The following CHFR variants were observed in gnomAD, a reference collection of about 807,000 sequenced individuals.
CHFR encodes the protein E3 ubiquitin-protein ligase CHFR.
In CHFR, 57 loss-of-function variants were observed where a neutral mutation model predicts 87.6. That is an observed-to-expected ratio of 0.65 (90% CI 0.53 to 0.81). The LOEUF (loss-of-function observed/expected upper bound fraction) is 0.81. Among genes scored for constraint, CHFR ranks in the 30% least tolerant of loss-of-function variants. CHFR has a pLI of 0.00. For synonymous variants in CHFR, 381 were observed against 359.2 expected, an observed-to-expected ratio of 1.06 and a Z score of -0.69; for missense variants, 797 against 865.8, an observed-to-expected ratio of 0.92 and a Z score of 1.00.
At chr12:132,858,601 G>A (rs1035165255) in intron 8 of CHFR, among the ~76,000 whole-genome samples, 2 of 151,034 alleles carry the variant, frequency 1.3e-5, no homozygotes, top group Admixed American at 6.6e-5. Flanking sequence ...GGTGGCACAC[G>A]CCTGCAGTCC....
chr12:132,881,465 T>G (rs1417024774), intron 2 of CHFR, among the ~76,000 whole-genome samples: 1 of 152,172 alleles, frequency 6.6e-6, no homozygotes, highest in African/African-American at 2.4e-5. Flanking sequence ...AGAAGAGATA[T>G]GGATGGCAAA....
intron 6 of CHFR, among the ~76,000 whole-genome samples, chr12:132,864,988 G>C (rs990548651): frequency 2.6e-4 from 39 of 152,214 alleles, no homozygotes; most frequent in African/African-American, 9.2e-4. Flanking sequence ...TTTGATTTCT[G>C]AAGAGGGTCT....
chr12:132,861,795 C>T (rs1951215821), intron 6 of CHFR, 161 bp from the exon 7 acceptor site: 1 of 618,298 alleles, frequency 1.6e-6, no homozygotes, highest in Non-Finnish European at 2.8e-6. Flanking sequence ...TCACTCAACT[C>T]ACATCTTAAC....
Position 132,877,556 on chromosome 12 carries a change from T to G in CHFR, c.232A>C (p.Ser78Arg). Residue 78 changes from serine (S) to arginine (R), a missense_variant and splice_region_variant, in exon 3 of 18, where the codon AGC becomes CGC. By Grantham distance (110) the Ser-to-Arg change is moderately radical. Coordinates refer to ENST00000450056, the MANE Select transcript of CHFR (RefSeq NM_001161346.2). ...AAAAGAAGCTCAGAACATACTCACCTGGTATCTTCCAGTGTCACCTGACCT... is the reference window on the plus strand; with the variant it reads ...AAAAGAAGCTCAGAACATACTCACCGGGTATCTTCCAGTGTCACCTGACCT... Reference protein sequence around the residue: ...KSGQVTLEDTSTSGTVINKLK... With the variant: ...KSGQVTLEDTRTSGTVINKLK... 1 of 1,596,824 alleles carries G rather than the reference T, an allele frequency of 6.3e-7. No individual in the cohort carries two copies. The highest frequency in any genetic ancestry group is 8.6e-7 in the Non-Finnish European group (1 of 1,166,288).
chr12:132,859,597 G>A (rs1320614350), intron 7 of CHFR, among the ~76,000 whole-genome samples: 10 of 152,108 alleles, frequency 6.6e-5, no homozygotes, highest in Non-Finnish European at 1.3e-4. Flanking sequence ...TGATCCACCC[G>A]CCTCGGCCTC....
chr12:132,855,853 GT>G (rs35290169), intron 10 of CHFR, among the ~76,000 whole-genome samples: 31,106 of 150,958 alleles, frequency 0.21, 4,118 homozygotes, highest in Non-Finnish European at 0.3. Flanking sequence ...AGTTTCAAGT[GT>G]TTTTTTTTGT....
chr12:132,885,907 C>T (rs1207021297), intron 2 of CHFR, among the ~76,000 whole-genome samples: 1 of 152,160 alleles, frequency 6.6e-6, no homozygotes. Flanking sequence ...AATACTTCCT[C>T]TTGTCTTAAA....
chr12:132,852,774 A>C (rs1254713763), intron 11 of CHFR, among the ~76,000 whole-genome samples: 1 of 152,230 alleles, frequency 6.6e-6, no homozygotes, highest in Non-Finnish European at 1.5e-5. Flanking sequence ...AGAATGCAGC[A>C]CAAGGATGTG....
At position 132,867,176 on chromosome 12, in the gene CHFR, A is replaced by C. The variant is rs1478780976; in HGVS notation, c.583+2443T>G. The C allele has an allele frequency of 2.0e-5, 3 of 152,294 alleles. No homozygotes were observed. The East Asian group carries it at 5.8e-4, about 29-fold the overall frequency. The allele number at this position is 152,294 out of a possible 1,614,324, so 9.4% of individuals were successfully genotyped here. On this transcript the variant is annotated intron_variant, in intron 6 of 17. Coordinates refer to ENST00000450056, the MANE Select transcript of CHFR (RefSeq NM_001161346.2). ...GGTGTGGCTGCCCGTGTGAAGACAG[A>C]GCAACGGCATACAACGGAGTAAAAA...
chr12:132,844,088 C>T lies in CHFR; in HGVS notation c.1782G>A (p.Leu594=). Residue 594 remains leucine, a synonymous_variant, in exon 16 of 18, where the codon CTG becomes CTA. Transcript: ENST00000450056. The part of the protein sequence containing the change: ...GDTVLCYCCG[L]RSFRELTYQY... ...GATAGGTCAGCTCACGGAAGCTGCG[C>T]AGGCCACAGCAGTAACACAGAACGG... 1 of 1,613,884 alleles carries T rather than the reference C, an allele frequency of 6.2e-7. No individual in the cohort carries two copies. Among genetic ancestry groups the T allele is most frequent in the Non-Finnish European group, 8.5e-7 (1 of 1,179,826 alleles).
At chr12:132,858,305 A>C (rs1951129607) in intron 8 of CHFR, among the ~76,000 whole-genome samples, 1 of 152,122 alleles carries the variant, frequency 6.6e-6, no homozygotes, top group African/African-American at 2.4e-5. Context: ...GGTTGCAGTG[A>C]GCCAAGATCA....
In CHFR at chr12:132,859,137, C is replaced by T. The variant is rs1306779303; in HGVS notation, c.842G>A (p.Gly281Glu). The change falls in exon 8 of 18, where the codon GGG becomes GAG. Residue 281 changes from glycine to glutamate, a missense_variant. Gly to Glu is a moderately conservative substitution (Grantham distance 98). This residue lies in a region of CHFR where 597 missense variants were observed against 601.2 expected (regional missense o/e 0.99). Transcript: ENST00000450056. ...TVHEDVRAAA[G>E]KPDKMEETLT... is the part of the protein sequence containing the mutation. ...CGTCTCCTCCATCTTGTCTGGCTTC[C>T]CAGCCGCTGCTCTGACGTCCTCGTG... The T allele has an allele frequency of 1.2e-6, 2 of 1,614,024 alleles. No homozygotes were observed. The highest frequency in any genetic ancestry group is 8.5e-7 in the Non-Finnish European group (1 of 1,180,010).
At chr12:132,862,507 G>C in intron 6 of CHFR, 1 of 409,270 alleles carries the variant, frequency 2.4e-6, no homozygotes, top group Admixed American at 2.8e-5. Context: ...AGGAGGCTGA[G>C]GTGAGTGGAT....
At chr12:132,844,531 G>T (rs926233150) in intron 15 of CHFR, among the ~76,000 whole-genome samples, 1 of 148,660 alleles carries the variant, frequency 6.7e-6, no homozygotes, top group Non-Finnish European at 1.5e-5. Flanking sequence ...TGATCCACCC[G>T]CCTCGGCCTC....
At position 132,834,174 on chromosome 12, in the gene CHFR, C is replaced by G. The variant is rs11147100; in HGVS notation, c.*7380G>C. 0.14 allele frequency: 21,132 copies of G among 152,332 alleles called. 1,873 individuals carry two copies. Among genetic ancestry groups the G allele is most frequent in the South Asian group, 0.22 (1,059 of 4,832 alleles). 9.4% of individuals were successfully genotyped at this position (152,332 alleles called of 1,614,324 possible). ...GTACGTGGTGGGCCTGGGGTCCCCA[C>G]TGGAAACAGCTCTCTTTGACAACAT... is the stretch of plus-strand genomic sequence containing the variant. On this transcript the variant is annotated 3_prime_UTR_variant, in exon 18 of 18. Transcript: ENST00000450056.
At position 132,835,320 on chromosome 12, in the gene CHFR, G is replaced by A. The variant is rs1225614380; in HGVS notation, c.*6234C>T. On this transcript the variant is annotated 3_prime_UTR_variant, in exon 18 of 18. Coordinates refer to ENST00000450056, the MANE Select transcript of CHFR (RefSeq NM_001161346.2). ...GTGGCGTGCGAGCTTTGATGGCAGA[G>A]TGTTACAATATGTTCAAGCCCTAAA... 1 of 152,166 alleles carries A rather than the reference G, an allele frequency of 6.6e-6. No individual in the cohort carries two copies. The highest frequency in any genetic ancestry group is 1.5e-5 in the Non-Finnish European group (1 of 68,046). 9.4% of individuals were successfully genotyped at this position (152,166 alleles called of 1,614,324 possible). A position where few individuals can be genotyped will look rare whatever the true frequency, so the allele number is the denominator to read the frequency against.
intron 5 of CHFR, 112 bp downstream of exon 5, chr12:132,870,612 A>G (rs558316909): frequency 2.1e-4 from 137 of 663,760 alleles, no homozygotes; most frequent in Admixed American, 1.2e-3. Flanking sequence ...GTGAGCTGAG[A>G]TCGCGCCACC....
intron 6 of CHFR, among the ~76,000 whole-genome samples, chr12:132,863,917 C>G (rs2136992212): frequency 6.6e-6 from 1 of 152,182 alleles, no homozygotes; most frequent in African/African-American, 2.4e-5. Context: ...CACCACCATG[C>G]CCAGCTAAAT....
chr12:132,848,599 T>C (rs201463746), intron 13 of CHFR, 42 bp downstream of exon 13: 4 of 1,472,122 alleles, frequency 2.7e-6, no homozygotes, highest in African/African-American at 2.8e-5. Flanking sequence ...CAAGAGAACA[T>C]GCAAAGGTCA....
Sources: gnomAD v4.1 joint callset for allele counts (sites outside exome capture counted in the v4.1 genomes callset) on GRCh38, gnomAD v4.1.1 for gene constraint, gnomAD v4.1.1 regional missense constraint, MANE v1.5 for transcripts, NCBI Gene and HGNC (gene_info 2026-07-23, HGNC 2026-07-21) for gene names.